Variants in CLSTN1 observed in about 807,000 individuals in gnomAD.
CLSTN1 encodes calsyntenin 1.
CLSTN1 carries 28 observed loss-of-function variants against 108.3 expected under a neutral mutation model. The observed-to-expected ratio is 0.26, with a 90% CI of 0.19 to 0.35. The LOEUF is 0.35. CLSTN1 is among the 10% of genes least tolerant of loss of function. CLSTN1 has a pLI of 1.00. For missense variants in CLSTN1, 1,157 were observed against 1,302.6 expected (o/e 0.89, Z 1.72); for synonymous variants, 524 against 534.9 (o/e 0.98, Z 0.28).
intron 9 of CLSTN1, among the ~76,000 whole-genome samples, chr1:9,743,682 G>C (rs1364261224): frequency 6.6e-6 from 1 of 151,750 alleles, no homozygotes; most frequent in East Asian, 1.9e-4. Flanking sequence ...CAAGTAGCCA[G>C]GACTACAGGC....
chr1:9,741,149 G>A lies in CLSTN1; in HGVS notation c.1464C>T (p.Tyr488=). ...TTTCTATCTTGGATGGATGGAGCGG[G>A]TAATCCTCAGTCACAGAGAAGGGCT... ...SHEPFSVTED[Y]PLHPSKIETQ... is the part of the protein sequence containing the mutation. The change falls in exon 10 of 19, where the codon TAC becomes TAT. Residue 488 remains tyrosine, a synonymous_variant. Coordinates refer to ENST00000377298, the MANE Select transcript of CLSTN1 (RefSeq NM_001009566.3). 6.2e-7 allele frequency: 1 copy of A among 1,614,160 alleles called. No homozygotes were observed. Among genetic ancestry groups the A allele is most frequent in the Non-Finnish European group, 8.5e-7 (1 of 1,180,010 alleles).
chr1:9,749,742 C>T, intron 6 of CLSTN1, 22 bp downstream of exon 6: 1 of 1,613,364 alleles, frequency 6.2e-7, no homozygotes, highest in Non-Finnish European at 8.5e-7. Context: ...GATGTGAGCG[C>T]AGGGGAGAGA....
At chr1:9,755,563 AAGAG>A (rs1178355189) in intron 3 of CLSTN1, among the ~76,000 whole-genome samples, 2 of 152,172 alleles carry the variant, frequency 1.3e-5, no homozygotes, top group African/African-American at 4.8e-5. Context: ...AGGAATACAA[AAGAG>A]AGAGAGAAGA....
At chr1:9,757,073 C>T (rs1355537879) in intron 2 of CLSTN1, among the ~76,000 whole-genome samples, 2 of 151,612 alleles carry the variant, frequency 1.3e-5, no homozygotes, top group South Asian at 2.1e-4. Flanking sequence ...CCCCCGTGCC[C>T]GGCAGGATTT....
chr1:9,800,696 C>T (rs1002874210), intron 1 of CLSTN1, among the ~76,000 whole-genome samples: 1 of 149,914 alleles, frequency 6.7e-6, no homozygotes, highest in South Asian at 2.1e-4. Context: ...TGCCACTGCA[C>T]TCCAGCCTGG....
chr1:9,823,514 C>T lies in CLSTN1; in HGVS notation c.91+129G>A, dbSNP rs1294188119. 5 of 492,720 alleles carry T rather than the reference C, an allele frequency of 1.0e-5. No individual in the cohort carries two copies. Among genetic ancestry groups the T allele is most frequent in the Non-Finnish European group, 1.4e-5 (5 of 363,700 alleles). The allele number at this position is 492,720 out of a possible 1,614,324, so 30.5% of individuals were successfully genotyped here. A position where few individuals can be genotyped will look rare whatever the true frequency, so the allele number is the denominator to read the frequency against. ...GCGCTCGGACCCGACTCCCCGCATC[C>T]CGGCTCGAATCCCGGCATCCGGCCC... is the stretch of plus-strand genomic sequence containing the variant. On this transcript the variant is annotated intron_variant, in intron 1 of 18. Transcript: ENST00000377298. This position sits in a 1 kb window ranked among gnomAD's most constrained non-coding sequence, Gnocchi z 6.3.
chr1:9,806,433 C>T (rs1469856971), intron 1 of CLSTN1, among the ~76,000 whole-genome samples: 2 of 152,180 alleles, frequency 1.3e-5, no homozygotes, highest in African/African-American at 2.4e-5. Context: ...TCTACTACAT[C>T]CCTCTAAGGG....
chr1:9,774,695 G>A (rs1024658992), intron 1 of CLSTN1, among the ~76,000 whole-genome samples: 5 of 151,878 alleles, frequency 3.3e-5, no homozygotes, highest in African/African-American at 9.7e-5. Context: ...TCCAGCCCCC[G>A]AGACAGTGTT....
rs1304028851 is a variant in CLSTN1, at chr1:9,773,395, CTG to C, written c.92-3_92-2del. The C allele has an allele frequency of 1.2e-6, 2 of 1,600,426 alleles. No individual in the cohort carries two copies. Among genetic ancestry groups the C allele is most frequent in the Non-Finnish European group, 1.7e-6 (2 of 1,174,254 alleles). On this transcript the variant is annotated splice_acceptor_variant and splice_polypyrimidine_tract_variant and intron_variant, in intron 1 of 18. Transcript: ENST00000377298. LOFTEE classifies it high-confidence loss of function. Reference sequence around the variant, plus strand: ...TCCAGCCAGGGCTTGTGCTTGTTAACTGTGTTTAAAACAAGAGAAAAAAATAG... The same window carrying C: ...TCCAGCCAGGGCTTGTGCTTGTTAACTGTTTAAAACAAGAGAAAAAAATAG...
chr1:9,756,927 C>T (rs958877141), intron 2 of CLSTN1, among the ~76,000 whole-genome samples: 7 of 151,830 alleles, frequency 4.6e-5, no homozygotes, highest in East Asian at 1.9e-4. Flanking sequence ...TACAGGCGCC[C>T]GCCACCACGC....
chr1:9,800,521 C>A (rs1654213443), intron 1 of CLSTN1, among the ~76,000 whole-genome samples: 1 of 143,276 alleles, frequency 7.0e-6, no homozygotes, highest in Non-Finnish European at 1.5e-5. Flanking sequence ...AGATCAAGAC[C>A]ATCCTGGCTA....
Position 9,789,014 on chromosome 1 carries a change from C to CCTTT in CLSTN1, c.92-15624_92-15621dup, listed in dbSNP as rs202014873. 9.4e-3 allele frequency among the ~76,000 whole-genome samples: 1,421 copies of CCTTT among 151,430 alleles called. 46 individuals are homozygous for CCTTT. The highest frequency in any genetic ancestry group is 0.047 in the East Asian group (235 of 5,038). Reference sequence around the variant, plus strand: ...CCCTGCTGTGGCATGCGTTGGAATTCCTTTTCGAGGCTGGATGATGTTCCG... The same window carrying CCTTT: ...CCCTGCTGTGGCATGCGTTGGAATTCCTTTCTTTTCGAGGCTGGATGATGTTCCG... On this transcript the variant is annotated intron_variant, in intron 1 of 18. Coordinates refer to ENST00000377298, the MANE Select transcript of CLSTN1 (RefSeq NM_001009566.3).
chr1:9,768,574 C>T (rs1392310050), intron 2 of CLSTN1, among the ~76,000 whole-genome samples: 4 of 44,034 alleles, frequency 9.1e-5, no homozygotes, highest in South Asian at 7.9e-4. Flanking sequence ...ACCATGGGGG[C>T]GGGGTTCTGT....
rs373215137 is a variant in CLSTN1 at position 9,731,851 on chromosome 1, T to A, written c.2473A>T (p.Met825Leu). 1 of 1,614,024 alleles carries A rather than the reference T, an allele frequency of 6.2e-7. No homozygotes were observed. Among genetic ancestry groups the A allele is most frequent in the Non-Finnish European group, 8.5e-7 (1 of 1,179,998 alleles). Reference sequence around the variant, plus strand: ...TGCACGAACTGTGGCTGGGCAGCCATGTGGTTGGCGTGTTCCATGGGGTTG... The same window carrying A: ...TGCACGAACTGTGGCTGGGCAGCCAAGTGGTTGGCGTGTTCCATGGGGTTG... ...TANPMEHANH[M>L]AAQPQFVHPE... The change falls in exon 17 of 19, where the codon ATG becomes TTG. Residue 825 changes from methionine (M) to leucine (L), a missense_variant. By Grantham distance (15) the Met-to-Leu change is conservative. Coordinates refer to ENST00000377298, the MANE Select transcript of CLSTN1 (RefSeq NM_001009566.3).
At chr1:9,799,198 A>G (rs1285607470) in intron 1 of CLSTN1, among the ~76,000 whole-genome samples, 1 of 152,060 alleles carries the variant, frequency 6.6e-6, no homozygotes, top group East Asian at 1.9e-4. Context: ...AAAAAAATAC[A>G]TAAATTTTAA....
intron 1 of CLSTN1, among the ~76,000 whole-genome samples, chr1:9,809,156 T>G (rs530890365): frequency 5.3e-5 from 8 of 152,300 alleles, no homozygotes; most frequent in African/African-American, 1.9e-4. Flanking sequence ...TCTGGCCTTA[T>G]GCTGTCACTG....
chr1:9,786,308 A>C (rs941034690), intron 1 of CLSTN1, among the ~76,000 whole-genome samples: 2 of 152,162 alleles, frequency 1.3e-5, no homozygotes, highest in Non-Finnish European at 2.9e-5. Context: ...CAGGACAAGC[A>C]TCATACCACC....
Position 9,731,319 on chromosome 1 carries a change from C to A in CLSTN1, c.2635G>T (p.Val879Leu). 1.9e-6 allele frequency: 3 copies of A among 1,614,246 alleles called. No individual in the cohort carries two copies. The highest frequency in any genetic ancestry group is 2.5e-6 in the Non-Finnish European group (3 of 1,180,048). ...CGATGTGCGGCCCGGATCCGAAATACCCCCAGGATAATCATGAACACCAGG... is the reference window on the plus strand; with the variant it reads ...CGATGTGCGGCCCGGATCCGAAATAACCCCAGGATAATCATGAACACCAGG... ...SFLVFMIILGVFRIRAAHRRT... is the reference protein window; with the variant it reads ...SFLVFMIILGLFRIRAAHRRT... Residue 879 changes from valine (V) to leucine (L), a missense_variant, in exon 18 of 19, where the codon GTA becomes TTA. By Grantham distance (32) the Val-to-Leu change is conservative. Coordinates refer to ENST00000377298, the MANE Select transcript of CLSTN1 (RefSeq NM_001009566.3).
chr1:9,768,529 T>A lies in CLSTN1; in HGVS notation c.214+4743A>T, dbSNP rs538466834. Among the ~76,000 whole-genome samples, 123 of 60,254 alleles carry A rather than the reference T, an allele frequency of 2.0e-3. 2 individuals are homozygous for A. Among genetic ancestry groups the A allele is most frequent in the African/African-American group, 7.8e-3 (114 of 14,680 alleles). 39.5% of individuals were successfully genotyped at this position (60,254 alleles called of 152,430 possible). On this transcript the variant is annotated intron_variant, in intron 2 of 18. Transcript: ENST00000377298. The stretch of plus-strand genomic sequence containing the variant: ...CATGGGGTTGGCGATCTGTGTTGGG[T>A]GGCACCATGGGGGCGGGGTTCTGTG...
Sources: gnomAD v4.1 joint callset for allele counts (sites outside exome capture counted in the v4.1 genomes callset) on GRCh38, gnomAD v4.1.1 for gene constraint, Gnocchi (gnomAD v3.1) non-coding constraint, MANE v1.5 for transcripts, NCBI Gene and HGNC (gene_info 2026-07-23, HGNC 2026-07-21) for gene names.